Variants in EWSR1 observed in about 807,000 individuals in gnomAD.
EWSR1 encodes RNA-binding protein EWS.
Under a neutral mutation model 92.1 loss-of-function variants are expected in EWSR1, and 14 were observed. That is an observed-to-expected ratio of 0.15 (90% confidence interval 0.10 to 0.24). The LOEUF is 0.24. EWSR1 is among the 10% of genes least tolerant of loss of function. The pLI, the probability that EWSR1 is intolerant of heterozygous loss-of-function variation, is 1.00. For missense variants in EWSR1, 637 were observed against 870.9 expected (o/e 0.73, Z 3.38); for synonymous variants, 303 against 292.9 (o/e 1.03, Z -0.35).
chr22:29,293,634 G>A (rs181909180), intron 11 of EWSR1, among the ~76,000 whole-genome samples: 5 of 152,072 alleles, frequency 3.3e-5, no homozygotes, highest in East Asian at 1.9e-4. Context: ...GCACGATCTC[G>A]GCTCACTGCA....
At chr22:29,269,388 A>C (rs2058460087) in intron 1 of EWSR1, 1 of 152,252 alleles carries the variant, frequency 6.6e-6, no homozygotes, top group Non-Finnish European at 1.5e-5. Context: ...AAATGGGAGT[A>C]GAGTGGTCCT....
rs750563135 is a variant in EWSR1, at chr22:29,278,115, A to G, written c.312A>G (p.Thr104=). 6.1e-5 allele frequency: 98 copies of G among 1,614,062 alleles called. 1 individual carries two copies. The South Asian group carries it at 1.0e-3, about 17-fold the overall frequency. The change falls in exon 5 of 17, where the codon ACA becomes ACG. Residue 104 remains threonine, a synonymous_variant. Transcript: ENST00000397938. Reference sequence around the variant, plus strand: ...GTGCTTATGATACCACCACTGCTACAGTCACCACCACCCAGGCCTCCTATG... The same window carrying G: ...GTGCTTATGATACCACCACTGCTACGGTCACCACCACCCAGGCCTCCTATG... ...GTGAYDTTTA[T]VTTTQASYAA...
intron 4 of EWSR1, chr22:29,277,783 A>T (rs368674916): frequency 1.6e-4 from 76 of 461,520 alleles, no homozygotes; most frequent in South Asian, 8.2e-4. Flanking sequence ...CTGTAGCATG[A>T]CATGCCATTT....
intron 6 of EWSR1, among the ~76,000 whole-genome samples, chr22:29,282,919 C>T (rs924896314): frequency 4.6e-5 from 7 of 151,984 alleles, no homozygotes; most frequent in East Asian, 1.9e-4. Context: ...CCCGCCACCA[C>T]GCCCAGCTAA....
chr22:29,290,323 C>T, intron 8 of EWSR1: 1 of 1,311,832 alleles, frequency 7.6e-7, no homozygotes. Context: ...GTTAACATGC[C>T]CTTTTTCATT....
intron 5 of EWSR1, among the ~76,000 whole-genome samples, chr22:29,282,107 A>G (rs2059655665): frequency 6.6e-6 from 1 of 152,226 alleles, no homozygotes; most frequent in Non-Finnish European, 1.5e-5. Flanking sequence ...ACGCACTTTT[A>G]TAGCGTTTAC....
At chr22:29,294,328 C>T (rs868297410) in intron 11 of EWSR1, among the ~76,000 whole-genome samples, 4 of 151,390 alleles carry the variant, frequency 2.6e-5, no homozygotes, top group East Asian at 2.0e-4. Flanking sequence ...TTGATTTGGC[C>T]GGGCGCGGTA....
intron 8 of EWSR1, chr22:29,290,796 A>G: frequency 1.5e-6 from 1 of 662,466 alleles, no homozygotes; most frequent in Non-Finnish European, 2.0e-6. Context: ...GAAAAAACTC[A>G]GGGCCTCCCA....
chr22:29,268,443 G>T (rs971144500), intron 1 of EWSR1, 94 bp downstream of exon 1: 2 of 1,607,834 alleles, frequency 1.2e-6, no homozygotes, highest in Non-Finnish European at 1.7e-6. Context: ...AGACTGAGTG[G>T]AGTTGCCGAG....
chr22:29,299,142 A>G (rs2061131515), intron 14 of EWSR1, 92 bp from the exon 15 acceptor site: 3 of 1,607,610 alleles, frequency 1.9e-6, no homozygotes, highest in Middle Eastern at 1.7e-4. Context: ...GATCCTCTTG[A>G]TAGTGAGTGT....
At position 29,296,257 on chromosome 22, in the gene EWSR1, C is replaced by T. The variant is rs764581545; in HGVS notation, c.1183C>T (p.Gln395Ter). The T allele has an allele frequency of 6.2e-7, 1 of 1,614,096 alleles. No homozygotes were observed. Among genetic ancestry groups the T allele is most frequent in the Middle Eastern group, 1.7e-4 (1 of 6,060 alleles). Reference sequence around the variant, plus strand: ...TGTCTAGATGAACAAGAGAACTGGGCAACCCATGATCCACATCTACCTGGA... The same window carrying T: ...TGTCTAGATGAACAAGAGAACTGGGTAACCCATGATCCACATCTACCTGGA... Reference protein sequence around the residue: ...GVVKMNKRTGQPMIHIYLDKE... With the variant: ...GVVKMNKRTG The change falls in exon 12 of 17, where the codon CAA becomes TAA. Residue 395 changes from glutamine (Q) to a stop codon, truncating the protein, a stop_gained. Coordinates refer to ENST00000397938, the MANE Select transcript of EWSR1 (RefSeq NM_005243.4). LOFTEE classifies it high-confidence loss of function.
At chr22:29,294,949 T>TTA (rs2060737219) in intron 11 of EWSR1, among the ~76,000 whole-genome samples, 2 of 151,732 alleles carry the variant, frequency 1.3e-5, no homozygotes, top group African/African-American at 4.8e-5. Context: ...TTGGTAAATC[T>TTA]TATATAAGGT....
chr22:29,273,836 T>C lies in EWSR1; in HGVS notation c.198T>C (p.Tyr66=). ...QTTATYGQTA[Y]ATSYGQPPTG... ...CTGCAACCTATGGGCAGACCGCCTA[T>C]GCAACTTCTTATGGACAGCCTCCCA... Residue 66 remains tyrosine (Y), a synonymous_variant, in exon 4 of 17, where the codon TAT becomes TAC. Coordinates refer to ENST00000397938, the MANE Select transcript of EWSR1 (RefSeq NM_005243.4). 1 of 1,614,076 alleles carries C rather than the reference T, an allele frequency of 6.2e-7. No homozygotes were observed. The highest frequency in any genetic ancestry group is 8.5e-7 in the Non-Finnish European group (1 of 1,179,938).
At position 29,298,806 on chromosome 22, in the gene EWSR1, C is replaced by G; in HGVS notation, c.1491C>G (p.Phe497Leu). 1 of 1,610,062 alleles carries G rather than the reference C, an allele frequency of 6.2e-7. No homozygotes were observed. The highest frequency in any genetic ancestry group is 8.5e-7 in the Non-Finnish European group (1 of 1,178,752). ...GCCGTGGAGGAGATAGAGGAGGCTT[C>G]CCTCCAAGAGGACCCCGGGGTTCCC... is the stretch of plus-strand genomic sequence containing the variant. ...MGGRGGDRGG[F>L]PPRGPRGSRG... Residue 497 changes from phenylalanine (F) to leucine (L), a missense_variant, in exon 14 of 17, where the codon TTC becomes TTG. By Grantham distance (22) the Phe-to-Leu change is conservative. Coordinates refer to ENST00000397938, the MANE Select transcript of EWSR1 (RefSeq NM_005243.4).
intron 6 of EWSR1, among the ~76,000 whole-genome samples, chr22:29,282,970 G>A (rs1336765676): frequency 6.6e-6 from 1 of 152,012 alleles, no homozygotes; most frequent in Non-Finnish European, 1.5e-5. Context: ...CACTGTGTTG[G>A]CCAGGATGGT....
chr22:29,298,785 TGGA>T lies in EWSR1; in HGVS notation c.1475_1477del (p.Gly492del), dbSNP rs748914699. 1 of 1,613,356 alleles carries T rather than the reference TGGA, an allele frequency of 6.2e-7. No homozygotes were observed. The highest frequency in any genetic ancestry group is 8.5e-7 in the Non-Finnish European group (1 of 1,179,760). On this transcript the variant is annotated inframe_deletion, in exon 14 of 17. Coordinates refer to ENST00000397938, the MANE Select transcript of EWSR1 (RefSeq NM_005243.4). ...GACCCATGGGTCGCATGGGAGGCCG[TGGA>T]GGAGATAGAGGAGGCTTCCCTCCAA...
rs111892587 is a variant in EWSR1, at chr22:29,268,292, C to T, written c.-45C>T. 25 of 1,607,522 alleles carry T rather than the reference C, an allele frequency of 1.6e-5. No homozygotes were observed. The highest frequency in any genetic ancestry group is 1.7e-4 in the Middle Eastern group (1 of 6,048). On this transcript the variant is annotated 5_prime_UTR_variant, in exon 1 of 17. Coordinates refer to ENST00000397938, the MANE Select transcript of EWSR1 (RefSeq NM_005243.4). ...CGCAGTGCGGCGCCTAGAGGGAAAG[C>T]GAGAGGGAGACGGACGTTGAGAGAA...
rs1356440367 is a variant in EWSR1, at chr22:29,292,145, G to C, written c.1021G>C (p.Asp341His). 6.2e-7 allele frequency: 1 copy of C among 1,614,038 alleles called. No homozygotes were observed. The highest frequency in any genetic ancestry group is 1.3e-5 in the African/African-American group (1 of 75,044). Residue 341 changes from aspartate (D) to histidine (H), a missense_variant, in exon 10 of 17, where the codon GAT (aspartate) becomes CAT (histidine). Asp to His is a moderately conservative substitution (Grantham distance 81). Around this residue, in one of 5 missense-constraint regions of EWSR1, gnomAD observed 363 missense variants for 447.8 expected, o/e 0.81. Transcript: ENST00000397938. The part of the protein sequence containing the change: ...GGFNKPGGPM[D>H]EGPDLDLGPP... ...TCTTTCCTGGTTGGCAGGACCCATG[G>C]ATGAAGGACCAGATCTTGATCTAGG... is the stretch of plus-strand genomic sequence containing the variant.
At chr22:29,272,953 A>G (rs150616741) in intron 3 of EWSR1, among the ~76,000 whole-genome samples, 50 of 152,316 alleles carry the variant, frequency 3.3e-4, no homozygotes, top group African/African-American at 1.2e-3. Context: ...TGTTTTCAAG[A>G]TAATGTTGAA....
Sources: gnomAD v4.1 joint callset for allele counts (sites outside exome capture counted in the v4.1 genomes callset) on GRCh38, gnomAD v4.1.1 for gene constraint, gnomAD v4.1.1 regional missense constraint, MANE v1.5 for transcripts, NCBI Gene and HGNC (gene_info 2026-07-23, HGNC 2026-07-21) for gene names.